INSC: variants seen among roughly 807,000 people sequenced by gnomAD.
The protein encoded by INSC is protein inscuteable homolog.
INSC carries 67 observed loss-of-function variants against 58.6 expected under a neutral mutation model. The observed-to-expected ratio is 1.14, with a 90% CI of 0.94 to 1.40. INSC has a LOEUF of 1.40. Ranked by LOEUF, INSC falls within the 40% of genes most tolerant of loss-of-function variation. The probability of loss-of-function intolerance (pLI) is 0.00; values close to 1 mark genes in which losing one functional copy is unlikely to be tolerated. For missense variants in INSC, 714 were observed against 692.0 expected, an observed-to-expected ratio of 1.03 and a Z score of -0.36; for synonymous variants, 262 against 276.1, an observed-to-expected ratio of 0.95 and a Z score of 0.51.
At chr11:15,238,647 G>C (rs935699169) in intron 10 of INSC, among the ~76,000 whole-genome samples, 1 of 152,198 alleles carries the variant, frequency 6.6e-6, no homozygotes, top group African/African-American at 2.4e-5. Context: ...ATTTAGCACA[G>C]TGCTGAGTGT....
the INSC span, among the ~76,000 whole-genome samples, chr11:15,268,161 C>T: frequency 6.6e-6 from 1 of 152,046 alleles, no homozygotes; most frequent in Non-Finnish European, 1.5e-5. Flanking sequence ...CTGTCCCACA[C>T]TGATGATGTC....
intron 2 of INSC, among the ~76,000 whole-genome samples, chr11:15,159,968 G>T (rs1445032553): frequency 6.6e-6 from 1 of 152,204 alleles, no homozygotes; most frequent in Non-Finnish European, 1.5e-5. Context: ...ATGTTTAAAT[G>T]TAATTAAGTT....
chr11:15,263,995 A>G, the INSC span, among the ~76,000 whole-genome samples: 513 of 148,972 alleles, frequency 3.4e-3, 6 homozygotes, highest in African/African-American at 0.012. Context: ...TGCTGCGGCT[A>G]CTGCTGCGTA....
rs117952682 is a variant in INSC at position 15,195,191 on chromosome 11, G to A, written c.693+4377G>A. On this transcript the variant is annotated intron_variant, in intron 6 of 12. Transcript: ENST00000379556. The stretch of plus-strand genomic sequence containing the variant: ...GCTGACTGGAGATTTTTGTCTTGGT[G>A]CTGTGGGGGAACAGCCAACAGCTCC... Among the ~76,000 whole-genome samples the A allele has an allele frequency of 5.2e-3, 788 of 152,286 alleles. 7 individuals carry two copies. The highest frequency in any genetic ancestry group is 0.016 in the Admixed American group (248 of 15,302).
At chr11:15,123,266 A>G (rs1847917020) in intron 1 of INSC, among the ~76,000 whole-genome samples, 1 of 152,180 alleles carries the variant, frequency 6.6e-6, no homozygotes, top group South Asian at 2.1e-4. Flanking sequence ...TCATAGTTTC[A>G]ATTTTACATT....
At chr11:15,249,605 A>G (rs1852628181), downstream of INSC, among the ~76,000 whole-genome samples, 2 of 152,234 alleles carry the variant, frequency 1.3e-5, no homozygotes, top group Admixed American at 1.3e-4. Flanking sequence ...AGCTGAATCA[A>G]CTGCAGCAGA....
chr11:15,258,221 A>C, the INSC span, among the ~76,000 whole-genome samples: 2 of 152,196 alleles, frequency 1.3e-5, no homozygotes, highest in African/African-American at 4.8e-5. Context: ...TAAGAACAGC[A>C]GTGTTGTCTC....
chr11:15,178,288 T>C (rs1849642409), intron 4 of INSC, 36 bp from the exon 5 acceptor site: 1 of 1,612,356 alleles, frequency 6.2e-7, no homozygotes, highest in African/African-American at 1.3e-5. Context: ...CCACATGCCC[T>C]TTCCAGTGGC....
chr11:15,215,876 G>A (rs569005275), intron 7 of INSC, among the ~76,000 whole-genome samples: 1 of 152,180 alleles, frequency 6.6e-6, no homozygotes, highest in Non-Finnish European at 1.5e-5. Context: ...CATCTGACCA[G>A]CTCTGAGAGG....
chr11:15,113,885 C>A (rs964618956), upstream of INSC, among the ~76,000 whole-genome samples: 2 of 152,038 alleles, frequency 1.3e-5, no homozygotes, highest in Non-Finnish European at 2.9e-5. Context: ...TCGGCGTGGT[C>A]GTTTTGTCAT....
chr11:15,200,780 A>G lies in INSC; in HGVS notation c.694-44A>G, dbSNP rs1304726102. Reference sequence around the variant, plus strand: ...ACTTATTCTTGAGTTAGCCCCAGACAAGGTCACACAGTAAGATGATGTGAC... The same window carrying G: ...ACTTATTCTTGAGTTAGCCCCAGACGAGGTCACACAGTAAGATGATGTGAC... On this transcript the variant is annotated intron_variant, in intron 6 of 12. Coordinates refer to ENST00000379556, the MANE Select transcript of INSC (RefSeq NM_001042536.3). 4 of 1,611,032 alleles carry G rather than the reference A, an allele frequency of 2.5e-6. 1 individual carries two copies. Among genetic ancestry groups the G allele is most frequent in the Non-Finnish European group, 3.4e-6 (4 of 1,177,928 alleles).
rs78573897 is a variant in INSC, at chr11:15,131,870, T to G, written c.-46+16867T>G. 9.2e-3 allele frequency among the ~76,000 whole-genome samples: 1,404 copies of G among 152,260 alleles called. 8 individuals are homozygous for G. The highest frequency in any genetic ancestry group is 0.031 in the Middle Eastern group (9 of 294). ...TATGTCTTGTAGCTAGCACATAGCA[T>G]GCACAACTTCCAACCCCCTCCATGT... On this transcript the variant is annotated intron_variant, in intron 1 of 12. Transcript: ENST00000379556.
At chr11:15,202,348 A>G (rs1334667350) in intron 7 of INSC, among the ~76,000 whole-genome samples, 1 of 152,182 alleles carries the variant, frequency 6.6e-6, no homozygotes, top group Non-Finnish European at 1.5e-5. Flanking sequence ...TAAATGAGAG[A>G]ACCAAAAGCC....
At chr11:15,187,248 G>T (rs1850003336) in intron 5 of INSC, among the ~76,000 whole-genome samples, 1 of 152,158 alleles carries the variant, frequency 6.6e-6, no homozygotes, top group Non-Finnish European at 1.5e-5. Context: ...GGAAATCTTA[G>T]GACATTACTT....
intron 7 of INSC, among the ~76,000 whole-genome samples, chr11:15,209,154 G>A (rs371452661): frequency 2.0e-5 from 3 of 152,192 alleles, no homozygotes; most frequent in African/African-American, 4.8e-5. Context: ...TGGCACTGAA[G>A]GTGCCCTCTG....
At chr11:15,230,008 TATATA>T (rs201648056) in intron 9 of INSC, among the ~76,000 whole-genome samples, 259 of 26,424 alleles carry the variant, frequency 9.8e-3, no homozygotes, top group South Asian at 0.013. Context: ...TATATATATA[TATATA>T]ATATATATAT....
intron 5 of INSC, chr11:15,188,339 G>A (rs1850048166): frequency 3.0e-6 from 3 of 985,452 alleles, no homozygotes; most frequent in African/African-American, 1.7e-5. Flanking sequence ...GTCCAGGTGA[G>A]GTCCTGCCTA....
chr11:15,188,269 T>C (rs1850045283), intron 5 of INSC: 2 of 985,380 alleles, frequency 2.0e-6, no homozygotes, highest in African/African-American at 1.7e-5. Flanking sequence ...CTCTCCTATT[T>C]GGCAAAACTT....
At chr11:15,135,052 G>A (rs1307304949) in intron 1 of INSC, among the ~76,000 whole-genome samples, 2 of 152,130 alleles carry the variant, frequency 1.3e-5, no homozygotes, top group African/African-American at 4.8e-5. Context: ...GAAGAGAGCT[G>A]CCAAATGAGG....
Sources: allele counts gnomAD v4.1 joint callset (sites outside exome capture counted in the v4.1 genomes callset), GRCh38; gene constraint gnomAD v4.1.1; transcripts MANE v1.5; gene names NCBI Gene and HGNC (gene_info 2026-07-23, HGNC 2026-07-21).